PTPRD: variants seen among roughly 807,000 people sequenced by gnomAD.
PTPRD encodes the protein receptor-type tyrosine-protein phosphatase delta.
PTPRD carries 34 observed loss-of-function variants against 214.5 expected under a neutral mutation model. The ratio of observed to expected loss-of-function variants is 0.16; its 90% CI spans 0.12 to 0.21. PTPRD has a LOEUF of 0.21. Among genes scored for constraint, PTPRD ranks in the 10% least tolerant of loss-of-function variants. The pLI, the probability that PTPRD is intolerant of heterozygous loss-of-function variation, is 1.00. For missense variants in PTPRD, 2,545 were observed against 2,398.7 expected, an observed-to-expected ratio of 1.06 and a Z score of -1.27; for synonymous variants, 1,128 against 845.7, an observed-to-expected ratio of 1.33 and a Z score of -5.79.
At chr9:8,767,884 G>A (rs62528807) in intron 11 of PTPRD, among the ~76,000 whole-genome samples, 1 of 152,154 alleles carries the variant, frequency 6.6e-6, no homozygotes, top group East Asian at 1.9e-4. Context: ...ACCCACTGCT[G>A]TGTATGGGAA....
chr9:8,375,960 G>A lies in PTPRD; in HGVS notation c.4637C>T (p.Ala1546Val), dbSNP rs915536806. Residue 1546 changes from alanine to valine, a missense_variant, in exon 39 of 46, where the codon GCT (alanine) becomes GTT (valine). Physicochemically the swap from Ala to Val is moderately conservative, Grantham distance 64 (BLOSUM62 0). Coordinates refer to ENST00000381196, the MANE Select transcript of PTPRD (RefSeq NM_002839.4). ...CCTGCAGTGCACAACCATCGGACCA[G>A]CATCGGGAGGGTTACAGGTTTTGAC... ...RRVKTCNPPDAGPMVVHCSAG... is the reference protein window; with the variant it reads ...RRVKTCNPPDVGPMVVHCSAG... The A allele has an allele frequency of 5.0e-6, 8 of 1,612,684 alleles. No individual in the cohort carries two copies. The highest frequency in any genetic ancestry group is 6.8e-6 in the Non-Finnish European group (8 of 1,179,114).
chr9:8,970,532 T>A (rs2099231021), intron 11 of PTPRD, among the ~76,000 whole-genome samples: 1 of 151,636 alleles, frequency 6.6e-6, no homozygotes, highest in Non-Finnish European at 1.5e-5. Flanking sequence ...AATACAAGAA[T>A]TCATGAATTC....
chr9:9,410,918 T>C (rs956688164), intron 8 of PTPRD, among the ~76,000 whole-genome samples: 1 of 152,048 alleles, frequency 6.6e-6, no homozygotes, highest in African/African-American at 2.4e-5. Context: ...ACTGACTGGG[T>C]GATGTTCAGT....
At chr9:10,187,104 T>G (rs1280651447) in intron 3 of PTPRD, among the ~76,000 whole-genome samples, 1 of 152,196 alleles carries the variant, frequency 6.6e-6, no homozygotes, top group Non-Finnish European at 1.5e-5. Context: ...TTCTTCTTGC[T>G]AATAATCCAT....
intron 2 of PTPRD, among the ~76,000 whole-genome samples, chr9:10,582,782 A>G (rs2072406167): frequency 6.6e-6 from 1 of 152,242 alleles, no homozygotes; most frequent in Non-Finnish European, 1.5e-5. Context: ...CACACCATTG[A>G]GATAAATACT....
At chr9:8,690,365 A>C (rs2097777561) in intron 12 of PTPRD, among the ~76,000 whole-genome samples, 1 of 151,568 alleles carries the variant, frequency 6.6e-6, no homozygotes, top group Admixed American at 6.6e-5. Context: ...GTCTCTACTA[A>C]AAATATAAAA....
chr9:8,736,517 G>C (rs1278326307), intron 11 of PTPRD, among the ~76,000 whole-genome samples: 1 of 152,024 alleles, frequency 6.6e-6, no homozygotes, highest in Non-Finnish European at 1.5e-5. Context: ...AAAATAACTT[G>C]TACTTTAAAA....
intron 11 of PTPRD, among the ~76,000 whole-genome samples, chr9:8,892,158 G>T (rs751993132): frequency 1.1e-4 from 16 of 152,144 alleles, no homozygotes; most frequent in Non-Finnish European, 1.8e-4. Flanking sequence ...GGAGAGTTCA[G>T]TATGACTAAC....
At chr9:10,466,492 G>A (rs1042261771) in intron 2 of PTPRD, among the ~76,000 whole-genome samples, 7 of 151,402 alleles carry the variant, frequency 4.6e-5, no homozygotes, top group East Asian at 1.9e-4. Context: ...GCGTGGTGGC[G>A]CATGCCTGTA....
chr9:9,127,927 T>G (rs1322794256), intron 10 of PTPRD, among the ~76,000 whole-genome samples: 1 of 152,220 alleles, frequency 6.6e-6, no homozygotes, highest in Non-Finnish European at 1.5e-5. Context: ...GAATATCTGG[T>G]CTACAAGGTA....
intron 3 of PTPRD, among the ~76,000 whole-genome samples, chr9:10,067,637 G>A (rs2097909962): frequency 6.6e-6 from 1 of 151,744 alleles, no homozygotes; most frequent in Non-Finnish European, 1.5e-5. Context: ...TACTTACGAA[G>A]GATTACAGGC....
intron 9 of PTPRD, among the ~76,000 whole-genome samples, chr9:9,241,620 A>G (rs1012204148): frequency 6.6e-6 from 1 of 151,618 alleles, no homozygotes; most frequent in African/African-American, 2.4e-5. Flanking sequence ...GTCTCTTTTG[A>G]TCTTTGTTGG....
intron 12 of PTPRD, among the ~76,000 whole-genome samples, chr9:8,645,398 A>C (rs574162522): frequency 7.0e-4 from 106 of 152,350 alleles, no homozygotes; most frequent in Non-Finnish European, 5.9e-5. Context: ...CTCATGATTT[A>C]AAAAGACAAA....
chr9:10,129,041 C>T (rs1455932887), intron 3 of PTPRD, among the ~76,000 whole-genome samples: 3 of 151,976 alleles, frequency 2.0e-5, no homozygotes, highest in African/African-American at 7.2e-5. Context: ...AAAATAATAG[C>T]TACTATTAAC....
chr9:8,528,892 AC>A, intron 14 of PTPRD, 113 bp from the exon 15 acceptor site: 5 of 962,246 alleles, frequency 5.2e-6, no homozygotes, highest in Non-Finnish European at 7.7e-6. Context: ...AGAACCTAAC[AC>A]AAACCAGGCA....
intron 11 of PTPRD, among the ~76,000 whole-genome samples, chr9:8,760,960 T>A (rs941324886): frequency 2.6e-5 from 4 of 152,224 alleles, no homozygotes; most frequent in African/African-American, 9.6e-5. Context: ...ATTTTTAAAA[T>A]ATATGATTTC....
chr9:8,888,684 T>C (rs2098511903), intron 11 of PTPRD, among the ~76,000 whole-genome samples: 1 of 152,214 alleles, frequency 6.6e-6, no homozygotes, highest in African/African-American at 2.4e-5. Flanking sequence ...ACCTTAGCCA[T>C]AAAATATCAC....
intron 2 of PTPRD, among the ~76,000 whole-genome samples, chr9:10,428,637 T>C (rs1588002981): frequency 6.6e-6 from 1 of 152,096 alleles, no homozygotes; most frequent in Non-Finnish European, 1.5e-5. Flanking sequence ...TTATTTTTAA[T>C]AAACTTTAAA....
intron 11 of PTPRD, among the ~76,000 whole-genome samples, chr9:8,832,468 A>C (rs1163883971): frequency 6.7e-6 from 1 of 150,026 alleles, no homozygotes; most frequent in Non-Finnish European, 1.5e-5. Flanking sequence ...TATGGGGAAA[A>C]TAGGCAATGA....
Sources: allele counts gnomAD v4.1 joint callset (sites outside exome capture counted in the v4.1 genomes callset), GRCh38; gene constraint gnomAD v4.1.1; transcripts MANE v1.5; gene names NCBI Gene and HGNC (gene_info 2026-07-23, HGNC 2026-07-21).